The following CTNNA3 variants were observed in gnomAD, a reference collection of about 807,000 sequenced individuals.
CTNNA3 encodes catenin alpha 3, also known as catenin alpha-3.
CTNNA3 carries 76 observed loss-of-function variants against 95.7 expected under a neutral mutation model. The observed-to-expected ratio is 0.79, with a 90% CI of 0.66 to 0.96. The LOEUF (loss-of-function observed/expected upper bound fraction) is 0.96, where lower values mean the gene tolerates loss of function less well. Ranked by LOEUF, CTNNA3 falls within the 40% of genes least tolerant of loss-of-function variation. The pLI, the probability that CTNNA3 is intolerant of heterozygous loss-of-function variation, is 0.00. For synonymous variants in CTNNA3, 431 were observed against 374.4 expected (o/e 1.15, Z -1.74); for missense variants, 1,191 against 1,089.8 (o/e 1.09, Z -1.31).
chr10:66,945,953 T>C (rs1241450382), intron 7 of CTNNA3, among the ~76,000 whole-genome samples: 2 of 152,044 alleles, frequency 1.3e-5, no homozygotes, highest in Non-Finnish European at 2.9e-5. Context: ...ACAATTACAG[T>C]AGTAACATCA....
At chr10:67,716,929 C>T (rs1841147444) in intron 1 of CTNNA3, among the ~76,000 whole-genome samples, 2 of 152,140 alleles carry the variant, frequency 1.3e-5, no homozygotes, top group Admixed American at 1.3e-4. Flanking sequence ...CTAATTTACA[C>T]TCCCACCAAC....
intron 13 of CTNNA3, among the ~76,000 whole-genome samples, chr10:66,138,782 C>T (rs1231811334): frequency 6.6e-6 from 1 of 152,122 alleles, no homozygotes; most frequent in African/African-American, 2.4e-5. Context: ...TCGCTTGAAC[C>T]CAGGAGGTGG....
chr10:66,450,378 T>G (rs1158265421), intron 11 of CTNNA3, among the ~76,000 whole-genome samples: 1 of 152,096 alleles, frequency 6.6e-6, no homozygotes, highest in Non-Finnish European at 1.5e-5. Flanking sequence ...TATATAAATA[T>G]CAGTTTGTTG....
intron 7 of CTNNA3, among the ~76,000 whole-genome samples, chr10:66,996,649 CAAAAAAA>C (rs57025097): frequency 1.5e-5 from 1 of 67,644 alleles, no homozygotes; most frequent in Non-Finnish European, 2.5e-5. Context: ...TCCGTCTCTA[CAAAAAAA>C]AAAAAAAAAA....
intron 7 of CTNNA3, among the ~76,000 whole-genome samples, chr10:66,981,157 G>A (rs1589540769): frequency 6.6e-6 from 1 of 152,190 alleles, no homozygotes; most frequent in East Asian, 1.9e-4. Flanking sequence ...ACCTACCTTG[G>A]CCTCCCAAAG....
intron 7 of CTNNA3, among the ~76,000 whole-genome samples, chr10:66,917,796 A>T (rs7094030): frequency 6.6e-6 from 1 of 151,956 alleles, no homozygotes; most frequent in Non-Finnish European, 1.5e-5. Context: ...CTCTTGTCAC[A>T]TCAGAATACA....
intron 15 of CTNNA3, among the ~76,000 whole-genome samples, chr10:66,043,914 G>A (rs1302450727): frequency 1.3e-5 from 2 of 151,812 alleles, no homozygotes; most frequent in Non-Finnish European, 2.9e-5. Flanking sequence ...ACATCAAGAT[G>A]TTAGTTAATT....
At chr10:66,317,406 G>A (rs1374448492) in intron 12 of CTNNA3, among the ~76,000 whole-genome samples, 1 of 152,024 alleles carries the variant, frequency 6.6e-6, no homozygotes, top group Non-Finnish European at 1.5e-5. Flanking sequence ...GGGCGTGGTG[G>A]CTCACACCTG....
intron 7 of CTNNA3, among the ~76,000 whole-genome samples, chr10:66,848,859 T>G (rs2132373789): frequency 6.6e-6 from 1 of 152,306 alleles, no homozygotes; most frequent in East Asian, 1.9e-4. Flanking sequence ...ACAACAGTGC[T>G]GTTAGAGTTC....
chr10:66,921,628 A>G (rs2132602102), intron 7 of CTNNA3, among the ~76,000 whole-genome samples: 1 of 152,270 alleles, frequency 6.6e-6, no homozygotes, highest in East Asian at 1.9e-4. Flanking sequence ...TTTAAGTCTC[A>G]CAAGCTCATA....
At chr10:66,418,590 T>C (rs1014291620) in intron 11 of CTNNA3, among the ~76,000 whole-genome samples, 5 of 100,470 alleles carry the variant, frequency 5.0e-5, no homozygotes. Flanking sequence ...CACAGAGGTA[T>C]AGGTCAATAT....
chr10:67,470,104 C>G (rs1265942790), intron 5 of CTNNA3, among the ~76,000 whole-genome samples: 1 of 152,194 alleles, frequency 6.6e-6, no homozygotes, highest in African/African-American at 2.4e-5. Context: ...CTCCTACTAT[C>G]CTTCCCAACC....
chr10:67,371,708 T>C (rs1359326653), intron 5 of CTNNA3, among the ~76,000 whole-genome samples: 1 of 152,212 alleles, frequency 6.6e-6, no homozygotes, highest in Non-Finnish European at 1.5e-5. Flanking sequence ...TGTGTCTTTA[T>C]AGCAGCATGA....
At chr10:67,075,241 A>C (rs1300095434) in intron 7 of CTNNA3, among the ~76,000 whole-genome samples, 1 of 152,166 alleles carries the variant, frequency 6.6e-6, no homozygotes, top group Admixed American at 6.5e-5. Context: ...AAAGAAAAAT[A>C]TAATGGTCAG....
intron 3 of CTNNA3, among the ~76,000 whole-genome samples, chr10:67,577,474 G>A (rs938421498): frequency 2.6e-5 from 4 of 152,012 alleles, no homozygotes; most frequent in Admixed American, 6.6e-5. Flanking sequence ...CATTTTGTAG[G>A]TTGCCTGTTC....
chr10:66,588,321 G>A (rs1448400109), intron 10 of CTNNA3, among the ~76,000 whole-genome samples: 1 of 152,014 alleles, frequency 6.6e-6, no homozygotes, highest in Non-Finnish European at 1.5e-5. Flanking sequence ...TCTTTCAAAG[G>A]GTCTGTAGTT....
chr10:66,767,187 C>T (rs1215116439), intron 8 of CTNNA3, among the ~76,000 whole-genome samples: 1 of 151,880 alleles, frequency 6.6e-6, no homozygotes, highest in Non-Finnish European at 1.5e-5. Context: ...GTGGCTCATG[C>T]CTGTAATCCC....
At chr10:67,493,223 AAAG>A (rs1838913018) in intron 5 of CTNNA3, among the ~76,000 whole-genome samples, 3 of 151,940 alleles carry the variant, frequency 2.0e-5, no homozygotes, top group Non-Finnish European at 4.4e-5. Context: ...AAAAAAAAAA[AAAG>A]CTCGCAAAAG....
chr10:67,024,991 G>A (rs1853264406), intron 7 of CTNNA3, among the ~76,000 whole-genome samples: 1 of 151,900 alleles, frequency 6.6e-6, no homozygotes, highest in South Asian at 2.1e-4. Context: ...TTAGCCAGGT[G>A]TGGTGGCGCA....
Sources: allele counts gnomAD v4.1 joint callset (sites outside exome capture counted in the v4.1 genomes callset), GRCh38; gene constraint gnomAD v4.1.1; transcripts MANE v1.5; gene names NCBI Gene and HGNC (gene_info 2026-07-23, HGNC 2026-07-21).